Variants in MAGI1 observed in about 807,000 individuals in gnomAD.
MAGI1 encodes the protein membrane associated guanylate kinase, WW and PDZ domain containing 1.
In MAGI1, 58 loss-of-function variants were observed where a neutral mutation model predicts 139.9. That is an observed-to-expected ratio of 0.41 (90% CI 0.34 to 0.52). The LOEUF is 0.52. Among genes scored for constraint, MAGI1 ranks in the 20% least tolerant of loss-of-function variants. The pLI is 0.12. For synonymous variants in MAGI1, 812 were observed against 737.9 expected (o/e 1.10, Z -1.63); for missense variants, 1,874 against 1,901.6 (o/e 0.99, Z 0.27).
chr3:65,630,758 C>T lies in MAGI1; in HGVS notation c.314-8670G>A, dbSNP rs562931572. Among the ~76,000 whole-genome samples the T allele has an allele frequency of 1.7e-4, 26 of 152,200 alleles. 1 individual carries two copies. In the South Asian group the frequency reaches 5.2e-3, roughly 30 times the overall value. On this transcript the variant is annotated intron_variant, in intron 1 of 22. Coordinates refer to ENST00000402939, the MANE Select transcript of MAGI1 (RefSeq NM_001033057.2). Reference sequence around the variant, plus strand: ...GGATAAAAGACTACACACTGGGTGCCGTGTGCACTGCTCAGTGACATGTGC... The same window carrying T: ...GGATAAAAGACTACACACTGGGTGCTGTGTGCACTGCTCAGTGACATGTGC...
chr3:65,579,595 C>A (rs535717455), intron 2 of MAGI1, among the ~76,000 whole-genome samples: 4 of 152,254 alleles, frequency 2.6e-5, no homozygotes, highest in African/African-American at 9.6e-5. Context: ...CCTGTAATCC[C>A]AGCACTTTGG....
chr3:65,362,213 C>G (rs559433031), intron 21 of MAGI1, among the ~76,000 whole-genome samples: 9 of 152,256 alleles, frequency 5.9e-5, no homozygotes, highest in African/African-American at 1.9e-4. Context: ...ACCTACCAAG[C>G]TGCTGGCATC....
chr3:65,492,399 T>C (rs1952104645), intron 3 of MAGI1, among the ~76,000 whole-genome samples: 1 of 152,240 alleles, frequency 6.6e-6, no homozygotes, highest in African/African-American at 2.4e-5. Context: ...CAGCAGTGTT[T>C]AGAAATATGA....
At chr3:65,824,052 T>C (rs1013477602) in intron 1 of MAGI1, among the ~76,000 whole-genome samples, 10 of 152,210 alleles carry the variant, frequency 6.6e-5, no homozygotes, top group Non-Finnish European at 8.8e-5. Flanking sequence ...CCTACCACAA[T>C]GCCAAGTACA....
intron 1 of MAGI1, among the ~76,000 whole-genome samples, chr3:65,858,809 C>T (rs1177105569): frequency 1.3e-5 from 2 of 152,212 alleles, no homozygotes; most frequent in African/African-American, 4.8e-5. Context: ...GCTCCAACTG[C>T]ATATAAATTA....
At chr3:65,753,345 C>G (rs1322540183) in intron 1 of MAGI1, among the ~76,000 whole-genome samples, 2 of 152,204 alleles carry the variant, frequency 1.3e-5, no homozygotes, top group African/African-American at 4.8e-5. Context: ...ATACGAAGCA[C>G]TCTCCTGCAT....
intron 1 of MAGI1, among the ~76,000 whole-genome samples, chr3:65,695,600 A>T (rs2089104251): frequency 6.6e-6 from 1 of 152,042 alleles, no homozygotes; most frequent in African/African-American, 2.4e-5. Context: ...CCATTTATAG[A>T]CTTGCTTTTT....
chr3:65,458,831 C>T (rs554555600), intron 5 of MAGI1, among the ~76,000 whole-genome samples: 11 of 152,112 alleles, frequency 7.2e-5, no homozygotes, highest in Non-Finnish European at 1.3e-4. Context: ...GTCCATTTTG[C>T]TTTGGTTGCC....
At chr3:65,812,229 C>G (rs1030823030) in intron 1 of MAGI1, among the ~76,000 whole-genome samples, 3 of 152,064 alleles carry the variant, frequency 2.0e-5, no homozygotes, top group Non-Finnish European at 2.9e-5. Flanking sequence ...AATCTTATCA[C>G]ATTCCTGACT....
intron 1 of MAGI1, among the ~76,000 whole-genome samples, chr3:65,724,411 C>T (rs770228542): frequency 2.0e-5 from 3 of 152,170 alleles, no homozygotes; most frequent in Non-Finnish European, 4.4e-5. Context: ...CATAACTTCA[C>T]CTGAGTATAG....
chr3:66,034,638 A>T (rs1235604144), intron 1 of MAGI1, among the ~76,000 whole-genome samples: 1 of 152,222 alleles, frequency 6.6e-6, no homozygotes, highest in Non-Finnish European at 1.5e-5. Context: ...AAACATTAAT[A>T]ACAGCTTTAT....
At chr3:65,659,615 C>T (rs545267232) in intron 1 of MAGI1, among the ~76,000 whole-genome samples, 111 of 152,248 alleles carry the variant, frequency 7.3e-4, no homozygotes, top group African/African-American at 2.6e-3. Context: ...AGATGGAAAC[C>T]GCAAACCCCA....
chr3:65,453,679 C>A (rs1949188050), intron 5 of MAGI1, among the ~76,000 whole-genome samples: 1 of 152,092 alleles, frequency 6.6e-6, no homozygotes, highest in Non-Finnish European at 1.5e-5. Context: ...TTGCATTTGC[C>A]ACAGAGAAAA....
At chr3:65,423,624 G>C (rs773041286) in intron 12 of MAGI1, among the ~76,000 whole-genome samples, 2 of 152,190 alleles carry the variant, frequency 1.3e-5, no homozygotes, top group Non-Finnish European at 2.9e-5. Flanking sequence ...TGTAAGGCAG[G>C]AGGCTTTTGG....
chr3:65,457,233 A>G (rs1375554746), intron 5 of MAGI1, among the ~76,000 whole-genome samples: 1 of 152,216 alleles, frequency 6.6e-6, no homozygotes. Flanking sequence ...AGAATGTTAT[A>G]TAAATGGAAT....
In MAGI1 at chr3:65,509,939, G is replaced by C. The variant is rs567691879; in HGVS notation, c.431-16308C>G. 2.4e-4 allele frequency among the ~76,000 whole-genome samples: 37 copies of C among 152,298 alleles called. 1 individual carries two copies. The highest frequency in any genetic ancestry group is 4.4e-4 in the Non-Finnish European group (30 of 68,042). The stretch of plus-strand genomic sequence containing the variant: ...TTTGAAGAGAGGAGTGGTTCTCCCA[G>C]CACGCAGAAGGAGATCTGAGAACCG... On this transcript the variant is annotated intron_variant, in intron 2 of 22. Transcript: ENST00000402939.
intron 7 of MAGI1, 145 bp from the exon 8 acceptor site, chr3:65,442,994 A>C (rs1052817117): frequency 1.4e-5 from 7 of 508,402 alleles, no homozygotes; most frequent in Admixed American, 6.6e-5. Context: ...CCAAAAAAAA[A>C]AAAGTATCTA....
chr3:65,470,405 G>A lies in MAGI1; in HGVS notation c.837C>T (p.Pro279=), dbSNP rs781449058. Residue 279 remains proline, a synonymous_variant, in exon 5 of 23, where the codon CCC becomes CCT. Coordinates refer to ENST00000402939, the MANE Select transcript of MAGI1 (RefSeq NM_001033057.2). ...GGAACTTCTGAGAAGGGTCCGTGATGGGAGCAGCGATGATGCTACTATTCA... is the reference window on the plus strand; with the variant it reads ...GGAACTTCTGAGAAGGGTCCGTGATAGGAGCAGCGATGATGCTACTATTCA... ...PPVNSSIIAA[P]ITDPSQKFPQ... The A allele has an allele frequency of 1.7e-5, 28 of 1,613,744 alleles. No homozygotes were observed. Among genetic ancestry groups the A allele is most frequent in the Non-Finnish European group, 2.3e-5 (27 of 1,179,758 alleles).
intron 1 of MAGI1, among the ~76,000 whole-genome samples, chr3:65,864,253 AT>A (rs2059646848): frequency 6.6e-6 from 1 of 152,220 alleles, no homozygotes; most frequent in South Asian, 2.1e-4. Context: ...TATAACCTAA[AT>A]TTTGGAAGAT....
Sources: gnomAD v4.1 joint callset for allele counts (sites outside exome capture counted in the v4.1 genomes callset) on GRCh38, gnomAD v4.1.1 for gene constraint, MANE v1.5 for transcripts, NCBI Gene and HGNC (gene_info 2026-07-23, HGNC 2026-07-21) for gene names.